PXDNL: variants seen among roughly 807,000 people sequenced by gnomAD.
The protein encoded by PXDNL is probable oxidoreductase PXDNL.
In PXDNL, 145 loss-of-function variants were observed where a neutral mutation model predicts 150.8. The observed-to-expected ratio is 0.96, with a 90% CI of 0.84 to 1.10. The LOEUF (loss-of-function observed/expected upper bound fraction) is 1.10, where lower values mean the gene tolerates loss of function less well. Ranked by LOEUF, PXDNL falls within the 50% of genes least tolerant of loss-of-function variation. The pLI, the probability that PXDNL is intolerant of heterozygous loss-of-function variation, is 0.00. For synonymous variants in PXDNL, 757 were observed against 725.7 expected, an observed-to-expected ratio of 1.04 and a Z score of -0.69; for missense variants, 2,087 against 1,873.9, an observed-to-expected ratio of 1.11 and a Z score of -2.10.
intron 1 of PXDNL, among the ~76,000 whole-genome samples, chr8:51,789,140 C>T (rs1012560148): frequency 1.3e-5 from 2 of 151,840 alleles, no homozygotes; most frequent in African/African-American, 4.8e-5. Flanking sequence ...TTCAGGTTCT[C>T]AGTAGTCATC....
At chr8:51,754,010 T>A (rs992529730) in intron 1 of PXDNL, among the ~76,000 whole-genome samples, 1 of 152,160 alleles carries the variant, frequency 6.6e-6, no homozygotes, top group African/African-American at 2.4e-5. Flanking sequence ...TATTTCTACA[T>A]TTTTCTCTTA....
chr8:51,619,759 C>A (rs4620278), intron 2 of PXDNL, among the ~76,000 whole-genome samples: 5 of 152,146 alleles, frequency 3.3e-5, no homozygotes, highest in Non-Finnish European at 5.9e-5. Context: ...AACCTCTTTT[C>A]TTTATAAATT....
chr8:51,466,223 A>G (rs1453546051), intron 8 of PXDNL, among the ~76,000 whole-genome samples: 2 of 152,194 alleles, frequency 1.3e-5, no homozygotes, highest in African/African-American at 4.8e-5. Flanking sequence ...AGAACAGAAT[A>G]GAGAACCCAG....
intron 21 of PXDNL, among the ~76,000 whole-genome samples, chr8:51,327,445 T>C (rs992608983): frequency 1.2e-4 from 18 of 152,158 alleles, no homozygotes; most frequent in African/African-American, 4.3e-4. Context: ...GCTTTCTTAT[T>C]AACCAATTCA....
chr8:51,557,474 T>G (rs1238826789), intron 3 of PXDNL, among the ~76,000 whole-genome samples: 2 of 152,270 alleles, frequency 1.3e-5, no homozygotes, highest in South Asian at 2.1e-4. Flanking sequence ...ATGTGACATA[T>G]GAGCACTTTC....
At chr8:51,501,934 C>T (rs573065622) in intron 4 of PXDNL, among the ~76,000 whole-genome samples, 152 of 152,320 alleles carry the variant, frequency 1.0e-3, no homozygotes, top group African/African-American at 3.4e-3. Flanking sequence ...GGTTTCTCTT[C>T]CCAAGTGAAA....
In PXDNL at chr8:51,543,770, C is replaced by A. The variant is rs545294097; in HGVS notation, c.380+13070G>T. The stretch of plus-strand genomic sequence containing the variant: ...AATGACCAGTCAAAGTGGATTATAA[C>A]ACTTCTAGTTCAAGGGTCATATGAG... On this transcript the variant is annotated intron_variant, in intron 4 of 22. Coordinates refer to ENST00000356297, the MANE Select transcript of PXDNL (RefSeq NM_144651.5). Among the ~76,000 whole-genome samples the A allele has an allele frequency of 1.5e-4, 22 of 144,630 alleles. 1 individual carries two copies. The South Asian group carries it at 3.3e-3, about 22-fold the overall frequency. The allele number at this position is 144,630 out of a possible 152,430, so 94.9% of individuals were successfully genotyped here. A position where few individuals can be genotyped will look rare whatever the true frequency, so the allele number is the denominator to read the frequency against.
chr8:51,567,952 G>A (rs1364424011), intron 3 of PXDNL, among the ~76,000 whole-genome samples: 1 of 151,758 alleles, frequency 6.6e-6, no homozygotes, highest in Admixed American at 6.6e-5. Flanking sequence ...TCATACGGAT[G>A]CAATTTTTTC....
At chr8:51,802,988 A>G (rs2037636660) in intron 1 of PXDNL, among the ~76,000 whole-genome samples, 1 of 152,268 alleles carries the variant, frequency 6.6e-6, no homozygotes, top group South Asian at 2.1e-4. Context: ...AAGCAAAGGA[A>G]TACATTTACA....
intron 3 of PXDNL, among the ~76,000 whole-genome samples, chr8:51,564,418 C>G (rs745601224): frequency 6.6e-6 from 1 of 151,682 alleles, no homozygotes; most frequent in African/African-American, 2.4e-5. Flanking sequence ...TTGTTACATA[C>G]GTAAATTTCA....
intron 5 of PXDNL, among the ~76,000 whole-genome samples, chr8:51,489,594 C>T (rs1424695887): frequency 6.6e-6 from 1 of 152,182 alleles, no homozygotes; most frequent in East Asian, 1.9e-4. Context: ...CAGGCCATTA[C>T]ATTTGACCTG....
At chr8:51,764,808 G>A (rs186089013) in intron 1 of PXDNL, among the ~76,000 whole-genome samples, 61 of 152,302 alleles carry the variant, frequency 4.0e-4, no homozygotes, top group African/African-American at 1.4e-3. Context: ...TTACATAGAT[G>A]TCTGTTAGGT....
intron 1 of PXDNL, among the ~76,000 whole-genome samples, chr8:51,785,043 A>G (rs558671852): frequency 1.3e-5 from 2 of 152,334 alleles, no homozygotes; most frequent in Admixed American, 1.3e-4. Flanking sequence ...TATTTCTCTT[A>G]GGCAAATGGT....
chr8:51,437,783 C>T (rs1366659926), intron 12 of PXDNL, among the ~76,000 whole-genome samples: 1 of 152,056 alleles, frequency 6.6e-6, no homozygotes, highest in Non-Finnish European at 1.5e-5. Context: ...TACTTCTATT[C>T]AACATAGTAC....
chr8:51,554,000 G>A (rs1038725413), intron 4 of PXDNL, among the ~76,000 whole-genome samples: 12 of 152,056 alleles, frequency 7.9e-5, no homozygotes, highest in Non-Finnish European at 1.6e-4. Flanking sequence ...TGTATTGTGA[G>A]CTGACTTATT....
At chr8:51,548,862 A>G (rs1400286606) in intron 4 of PXDNL, among the ~76,000 whole-genome samples, 1 of 152,148 alleles carries the variant, frequency 6.6e-6, no homozygotes, top group East Asian at 1.9e-4. Context: ...GGCCTAAAGG[A>G]TCCATTTAAA....
intron 12 of PXDNL, among the ~76,000 whole-genome samples, chr8:51,429,553 G>A (rs1025688467): frequency 6.6e-6 from 1 of 152,130 alleles, no homozygotes; most frequent in African/African-American, 2.4e-5. Context: ...CTGGGCGACA[G>A]AGTGAGACTC....
chr8:51,708,740 G>C (rs1479709333), intron 1 of PXDNL, among the ~76,000 whole-genome samples: 3 of 152,170 alleles, frequency 2.0e-5, no homozygotes, highest in Non-Finnish European at 4.4e-5. Context: ...ACTGAGAGGA[G>C]ACCTTAGGTT....
intron 3 of PXDNL, among the ~76,000 whole-genome samples, chr8:51,592,202 G>A (rs961433112): frequency 5.9e-5 from 9 of 152,146 alleles, no homozygotes; most frequent in African/African-American, 2.2e-4. Context: ...GTTTATTAAA[G>A]TTCCTAACTA....
Sources: gnomAD v4.1 joint callset for allele counts (sites outside exome capture counted in the v4.1 genomes callset) on GRCh38, gnomAD v4.1.1 for gene constraint, MANE v1.5 for transcripts, NCBI Gene and HGNC (gene_info 2026-07-23, HGNC 2026-07-21) for gene names.